Variants in SMS observed in about 807,000 individuals in gnomAD.
The protein encoded by SMS is spermine synthase.
SMS carries 3 observed loss-of-function variants against 33.0 expected under a neutral mutation model. The observed-to-expected ratio is 0.09, with a 90% CI of 0.04 to 0.23. SMS has a LOEUF of 0.23. Among genes scored for constraint, SMS ranks in the 10% least tolerant of loss-of-function variants. The probability of loss-of-function intolerance (pLI) is 1.00; values close to 1 mark genes in which losing one functional copy is unlikely to be tolerated. For missense variants in SMS, 117 were observed against 288.6 expected (o/e 0.41, Z 4.31); for synonymous variants, 103 against 112.2 (o/e 0.92, Z 0.52).
At chrX:21,986,661 C>T (rs191396993) in intron 9 of SMS, among the ~76,000 whole-genome samples, 2 of 112,255 alleles carry the variant, frequency 1.8e-5, no homozygotes, top group East Asian at 5.6e-4. Context: ...TGTCTCTGCC[C>T]CCCACAACAT....
At chrX:21,982,630 A>G (rs766667153) in intron 7 of SMS, among the ~76,000 whole-genome samples, 4 of 112,680 alleles carry the variant, frequency 3.5e-5, no homozygotes, top group East Asian at 2.8e-4. Context: ...AGGCTTGGCA[A>G]TGACAACAGA....
At chrX:21,980,840 CTA>C (rs2146950321) in intron 7 of SMS, among the ~76,000 whole-genome samples, 1 of 111,866 alleles carries the variant, frequency 8.9e-6, no homozygotes, top group East Asian at 2.8e-4. Context: ...GATTTTTTCT[CTA>C]TACTAAATGC....
At chrX:21,967,423 A>G in intron 2 of SMS, 107 bp downstream of exon 2, 2 of 847,795 alleles carry the variant, frequency 2.4e-6, no homozygotes, top group Middle Eastern at 3.1e-4. Flanking sequence ...CTCCTTTGAC[A>G]TCTTTTAGGA....
chrX:21,977,595 C>T (rs1220430750), intron 5 of SMS, among the ~76,000 whole-genome samples: 2 of 112,239 alleles, frequency 1.8e-5, no homozygotes, highest in African/African-American at 6.5e-5. Context: ...CACCTCCTAG[C>T]CAGTCTTATT....
chrX:21,990,701 A>G (rs1925699234), intron 9 of SMS, among the ~76,000 whole-genome samples: 1 of 112,645 alleles, frequency 8.9e-6, no homozygotes, highest in Admixed American at 9.4e-5. Flanking sequence ...TAACCTCTAT[A>G]AAGAGAGAGT....
intron 10 of SMS, 27 bp downstream of exon 10, chrX:21,992,739 G>A: frequency 1.1e-6 from 1 of 938,967 alleles, no homozygotes; most frequent in South Asian, 2.0e-5. Context: ...ACATTCTGTT[G>A]CCAGATCAAA....
intron 1 of SMS, among the ~76,000 whole-genome samples, chrX:21,954,893 G>A (rs1922870679): frequency 9.0e-6 from 1 of 111,037 alleles, no homozygotes; most frequent in Admixed American, 9.6e-5. Context: ...ATGAAGTGCA[G>A]TGGCGTGATC....
At chrX:21,959,654 A>G (rs1410185406) in intron 1 of SMS, among the ~76,000 whole-genome samples, 1 of 112,861 alleles carries the variant, frequency 8.9e-6, no homozygotes, top group Non-Finnish European at 1.9e-5. Context: ...TAAAGCAGCT[A>G]CCTGATTTCA....
chrX:21,984,570 T>C (rs1925198438), intron 8 of SMS, 152 bp downstream of exon 8: 1 of 485,604 alleles, frequency 2.1e-6, no homozygotes, highest in South Asian at 2.9e-5. Flanking sequence ...TGGATTTGGC[T>C]TCAATTCCTG....
At chrX:21,941,044 C>G (rs1361570022) in intron 1 of SMS, 171 bp downstream of exon 1, 2 of 126,647 alleles carry the variant, frequency 1.6e-5, no homozygotes, top group Non-Finnish European at 2.9e-5. Context: ...GCCGCGTGCA[C>G]CGGCGGTCGG....
chrX:21,961,034 C>CTTTTT (rs773159264), intron 1 of SMS, among the ~76,000 whole-genome samples: 18 of 41,712 alleles, frequency 4.3e-4, no homozygotes, highest in East Asian at 8.2e-4. Context: ...ATATGCATGT[C>CTTTTT]TTTTTTTTTT....
At chrX:21,968,382 A>G (rs1923888613) in intron 2 of SMS, among the ~76,000 whole-genome samples, 2 of 112,630 alleles carry the variant, frequency 1.8e-5, no homozygotes, top group African/African-American at 3.2e-5. Context: ...CAGGGCCTGG[A>G]CATCTGGATT....
At chrX:21,991,456 G>A (rs1925755013) in intron 9 of SMS, among the ~76,000 whole-genome samples, 1 of 112,255 alleles carries the variant, frequency 8.9e-6, no homozygotes, top group Non-Finnish European at 1.9e-5. Flanking sequence ...TGGGATTACA[G>A]GCCTGAGCTA....
intron 1 of SMS, among the ~76,000 whole-genome samples, chrX:21,949,796 A>G (rs1359178446): frequency 9.0e-6 from 1 of 111,198 alleles, no homozygotes; most frequent in Admixed American, 9.6e-5. Context: ...CTGTTCCTCA[A>G]TCCTTTTTCT....
At chrX:21,988,662 C>CAAAAAAAAAAAAAAAAAAAAAA (rs199561897) in intron 9 of SMS, among the ~76,000 whole-genome samples, 23 of 66,128 alleles carry the variant, frequency 3.5e-4, no homozygotes, top group East Asian at 5.1e-4. Context: ...GACTCTGTCT[C>CAAAAAAAAAAAAAAAAAAAAAA]AAAAAAAAAA....
At chrX:21,973,550 C>T (rs189755802) in intron 4 of SMS, among the ~76,000 whole-genome samples, 35 of 112,792 alleles carry the variant, frequency 3.1e-4, no homozygotes, top group Admixed American at 1.3e-3. Flanking sequence ...AAGAGACTTC[C>T]GACAGGGTGG....
At chrX:21,986,710 A>G (rs5951676) in intron 9 of SMS, among the ~76,000 whole-genome samples, 15,255 of 112,061 alleles carry the variant, frequency 0.14, 1,559 homozygotes, top group African/African-American at 0.35. Context: ...AGATGGATAT[A>G]ACTATTTAAA....
intron 1 of SMS, 22 bp downstream of exon 1, chrX:21,940,895 T>A: frequency 9.6e-7 from 1 of 1,044,016 alleles, no homozygotes; most frequent in Non-Finnish European, 1.2e-6. Flanking sequence ...CGCCGCCACC[T>A]GCGTGGCCAT....
At chrX:21,947,726 C>T (rs1922334693) in intron 1 of SMS, among the ~76,000 whole-genome samples, 1 of 111,514 alleles carries the variant, frequency 9.0e-6, no homozygotes, top group Non-Finnish European at 1.9e-5. Context: ...CCGTGGGTCC[C>T]TATTACCCCA....
Sources: allele counts gnomAD v4.1 joint callset (sites outside exome capture counted in the v4.1 genomes callset), GRCh38; gene constraint gnomAD v4.1.1; transcripts MANE v1.5; gene names NCBI Gene and HGNC (gene_info 2026-07-23, HGNC 2026-07-21).